ZNF106: variants seen among roughly 807,000 people sequenced by gnomAD.
The protein encoded by ZNF106 is zinc finger protein 106.
ZNF106 carries 67 observed loss-of-function variants against 195.1 expected under a neutral mutation model. The ratio of observed to expected loss-of-function variants is 0.34; its 90% CI spans 0.28 to 0.42. The LOEUF is 0.42. ZNF106 is among the 10% of genes least tolerant of loss of function. The probability of loss-of-function intolerance (pLI) is 1.00; values close to 1 mark genes in which losing one functional copy is unlikely to be tolerated. For missense variants in ZNF106, 2,118 were observed against 2,304.5 expected (o/e 0.92, Z 1.66); for synonymous variants, 784 against 818.6 (o/e 0.96, Z 0.72).
intron 17 of ZNF106, among the ~76,000 whole-genome samples, chr15:42,422,918 G>A (rs1050044518): frequency 2.6e-5 from 4 of 152,060 alleles, no homozygotes; most frequent in Non-Finnish European, 5.9e-5. Flanking sequence ...AGCTTTCCAA[G>A]TACTTTCACT....
At chr15:42,430,260 T>C (rs1488413939) in intron 14 of ZNF106, among the ~76,000 whole-genome samples, 1 of 152,094 alleles carries the variant, frequency 6.6e-6, no homozygotes, top group Non-Finnish European at 1.5e-5. Context: ...GTAAAAATGG[T>C]ATTCCTTGTA....
At chr15:42,474,006 C>T (rs1195387616) in intron 1 of ZNF106, among the ~76,000 whole-genome samples, 1 of 152,106 alleles carries the variant, frequency 6.6e-6, no homozygotes, top group African/African-American at 2.4e-5. Flanking sequence ...ACTGAGGCCC[C>T]CACTGAGTAC....
chr15:42,461,465 T>C (rs954853040), intron 3 of ZNF106, among the ~76,000 whole-genome samples: 3 of 152,248 alleles, frequency 2.0e-5, no homozygotes, highest in Non-Finnish European at 4.4e-5. Flanking sequence ...ACTCTCTCCA[T>C]AAGCTTTTCT....
intron 20 of ZNF106, 42 bp from the exon 21 acceptor site, chr15:42,417,993 C>T (rs760156044): frequency 3.8e-5 from 61 of 1,597,490 alleles, no homozygotes; most frequent in Non-Finnish European, 4.9e-5. Flanking sequence ...AAAAAGGGTG[C>T]AGTGAACGTG....
At chr15:42,447,957 G>C (rs2055831856) in intron 6 of ZNF106, 115 bp downstream of exon 6, 6 of 1,216,680 alleles carry the variant, frequency 4.9e-6, no homozygotes, top group African/African-American at 1.5e-5. Flanking sequence ...AATTCTTCTA[G>C]AAGTTGAGAG....
At chr15:42,473,788 C>T (rs2141427495) in intron 1 of ZNF106, among the ~76,000 whole-genome samples, 1 of 152,282 alleles carries the variant, frequency 6.6e-6, no homozygotes, top group East Asian at 1.9e-4. Flanking sequence ...TGCCACCATC[C>T]ATGAAAAGGT....
chr15:42,419,038 C>CTGTTT (rs1419439279), intron 20 of ZNF106, among the ~76,000 whole-genome samples: 2 of 123,712 alleles, frequency 1.6e-5, no homozygotes, highest in African/African-American at 6.3e-5. Context: ...CCAGCCTGGG[C>CTGTTT]AACATAGTGA....
chr15:42,439,527 G>C lies in ZNF106; in HGVS notation c.4050C>G (p.His1350Gln). ...ASETPLEKEP[H>Q]SPADQPEQQA... Reference sequence around the variant, plus strand: ...GTTGTTCAGGCTGGTCAGCTGGAGAGTGGGGTTCCTTCTCCAAAGGGGTTT... The same window carrying C: ...GTTGTTCAGGCTGGTCAGCTGGAGACTGGGGTTCCTTCTCCAAAGGGGTTT... Residue 1350 changes from histidine to glutamine, a missense_variant, in exon 11 of 22, where the codon CAC becomes CAG. Coordinates refer to ENST00000564754, the MANE Select transcript of ZNF106 (RefSeq NM_001366845.3). 1 of 1,614,202 alleles carries C rather than the reference G, an allele frequency of 6.2e-7. No individual in the cohort carries two copies. Among genetic ancestry groups the C allele is most frequent in the Non-Finnish European group, 8.5e-7 (1 of 1,180,040 alleles).
chr15:42,424,128 C>G (rs144109839), intron 16 of ZNF106, 68 bp from the exon 17 acceptor site: 1 of 1,350,866 alleles, frequency 7.4e-7, no homozygotes, highest in African/African-American at 1.5e-5. Flanking sequence ...ACTTGTAATA[C>G]ACATTGGCAA....
intron 1 of ZNF106, among the ~76,000 whole-genome samples, chr15:42,483,226 T>C (rs1210192513): frequency 6.6e-6 from 1 of 152,214 alleles, no homozygotes; most frequent in Non-Finnish European, 1.5e-5. Flanking sequence ...CATCCAGATG[T>C]AATAATAGTT....
At position 42,473,050 on chromosome 15, in the gene ZNF106, T is replaced by C. The variant is rs574861269; in HGVS notation, c.-32-729A>G. 5.3e-5 allele frequency among the ~76,000 whole-genome samples: 8 copies of C among 150,176 alleles called. No homozygotes were observed. In the South Asian group the frequency reaches 1.5e-3, roughly 28 times the overall value. On this transcript the variant is annotated intron_variant, in intron 1 of 21. Transcript: ENST00000564754. ...AAGTTTAAGTTAGAACATATACAGG[T>C]TGAAAATTCCAAATCTAAAAATCTG...
chr15:42,438,721 T>G, intron 11 of ZNF106, 54 bp from the exon 12 acceptor site: 1,597 of 1,537,754 alleles, frequency 1.0e-3, no homozygotes, highest in Non-Finnish European at 1.3e-3. Context: ...GGGCAGGTAG[T>G]AAAAGTAAAA....
chr15:42,441,923 C>A, intron 10 of ZNF106, 150 bp downstream of exon 10: 1 of 508,606 alleles, frequency 2.0e-6, no homozygotes, highest in African/African-American at 1.9e-5. Context: ...TTAAAAGAAT[C>A]CTCCTGTATA....
At chr15:42,468,697 C>A (rs1270436505) in intron 2 of ZNF106, among the ~76,000 whole-genome samples, 2 of 151,140 alleles carry the variant, frequency 1.3e-5, no homozygotes, top group Admixed American at 6.6e-5. Flanking sequence ...GAGCCAAGAT[C>A]GCGCCATTGC....
chr15:42,459,424 T>C (rs2056332110), intron 3 of ZNF106, among the ~76,000 whole-genome samples: 1 of 151,772 alleles, frequency 6.6e-6, no homozygotes, highest in Admixed American at 6.6e-5. Flanking sequence ...TGTAGTAAGC[T>C]GAGATCGCAC....
At chr15:42,474,310 A>G (rs1433110715) in intron 1 of ZNF106, among the ~76,000 whole-genome samples, 3 of 152,192 alleles carry the variant, frequency 2.0e-5, no homozygotes, top group Admixed American at 1.3e-4. Flanking sequence ...GAGAAAAAGG[A>G]CTTTGCATAT....
rs777727583 is a variant in ZNF106 at position 42,439,166 on chromosome 15, G to C, written c.4411C>G (p.Pro1471Ala). The C allele has an allele frequency of 7.4e-5, 119 of 1,613,948 alleles. No homozygotes were observed. Among genetic ancestry groups the C allele is most frequent in the Non-Finnish European group, 9.6e-5 (113 of 1,180,030 alleles). ...ATATCCTTTTTAGATGGGCTGTCTG[G>C]TTTCTCTTCTCCTGATTCTGAAGAA... ...IDSSESGEEK[P>A]DSPSKKDIWN... Residue 1471 changes from proline to alanine, a missense_variant, in exon 11 of 22, where the codon CCA (proline) becomes GCA (alanine). Physicochemically the swap from Pro to Ala is conservative, Grantham distance 27 (BLOSUM62 -1). Transcript: ENST00000564754.
intron 2 of ZNF106, among the ~76,000 whole-genome samples, chr15:42,468,145 G>A: frequency 7.1e-6 from 1 of 140,048 alleles, no homozygotes; most frequent in East Asian, 2.1e-4. Context: ...GCTCGATCTC[G>A]GCTCACGACA....
chr15:42,463,540 T>C (rs1809689961), intron 3 of ZNF106, among the ~76,000 whole-genome samples: 1 of 151,488 alleles, frequency 6.6e-6, no homozygotes, highest in Non-Finnish European at 1.5e-5. Flanking sequence ...TTACAAATAA[T>C]AAAGGCCAAA....
Sources: gnomAD v4.1 joint callset for allele counts (sites outside exome capture counted in the v4.1 genomes callset) on GRCh38, gnomAD v4.1.1 for gene constraint, MANE v1.5 for transcripts, NCBI Gene and HGNC (gene_info 2026-07-23, HGNC 2026-07-21) for gene names.